The following SLC9A9 variants were observed in gnomAD, a reference collection of about 807,000 sequenced individuals.
SLC9A9 encodes the protein sodium/hydrogen exchanger 9.
Under a neutral mutation model 77.8 loss-of-function variants are expected in SLC9A9, and 62 were observed. That is an observed-to-expected ratio of 0.80 (90% CI 0.65 to 0.98). The LOEUF (loss-of-function observed/expected upper bound fraction) is 0.98, where lower values mean the gene tolerates loss of function less well. Ranked by LOEUF, SLC9A9 falls within the 50% of genes least tolerant of loss-of-function variation. The pLI is 0.00. For missense variants in SLC9A9, 775 were observed against 774.9 expected, an observed-to-expected ratio of 1.00 and a Z score of 0.00; for synonymous variants, 320 against 283.5, an observed-to-expected ratio of 1.13 and a Z score of -1.29.
At chr3:143,596,986 T>C (rs1281525690) in intron 6 of SLC9A9, among the ~76,000 whole-genome samples, 2 of 152,184 alleles carry the variant, frequency 1.3e-5, no homozygotes, top group Non-Finnish European at 2.9e-5. Context: ...CTTAAACATA[T>C]GTCACGGTAA....
At chr3:143,357,361 C>G (rs1484081757) in intron 14 of SLC9A9, among the ~76,000 whole-genome samples, 1 of 152,094 alleles carries the variant, frequency 6.6e-6, no homozygotes. Flanking sequence ...GAGGGTCAAC[C>G]ATGCCTACCC....
At position 143,762,222 on chromosome 3, in the gene SLC9A9, A is replaced by G. The variant is rs969994690; in HGVS notation, c.533+32779T>C. On this transcript the variant is annotated intron_variant, in intron 4 of 15. Transcript: ENST00000316549. ...TGGGGGAGGGGGAAGGGATAGCATT[A>G]GGAGATATACCTAATGTAAATGACG... 2.6e-5 allele frequency among the ~76,000 whole-genome samples: 4 copies of G among 152,182 alleles called. No homozygotes were observed. In the South Asian group the frequency reaches 6.2e-4, roughly 24 times the overall value.
intron 4 of SLC9A9, among the ~76,000 whole-genome samples, chr3:143,784,838 T>C (rs1368397675): frequency 1.3e-5 from 2 of 152,180 alleles, no homozygotes; most frequent in African/African-American, 4.8e-5. Flanking sequence ...GTAGGACCTT[T>C]GGGAAGTAAT....
chr3:143,271,013 A>C (rs1937881423), intron 14 of SLC9A9, among the ~76,000 whole-genome samples: 1 of 152,230 alleles, frequency 6.6e-6, no homozygotes, highest in Non-Finnish European at 1.5e-5. Context: ...CGCACTGTCC[A>C]TTCCATCCCA....
rs1191167965 is a variant in SLC9A9, at chr3:143,265,308, G to GTT, written c.*1392_*1393dup. On this transcript the variant is annotated 3_prime_UTR_variant, in exon 16 of 16. Transcript: ENST00000316549. ...TGTCATATTTACCTGAAATGACAAA[G>GTT]TTATACTTAGCTTGAGTGTAAAACT... 1 of 152,252 alleles carries GTT rather than the reference G, an allele frequency of 6.6e-6. No homozygotes were observed. The highest frequency in any genetic ancestry group is 1.5e-5 in the Non-Finnish European group (1 of 68,080). The allele number at this position is 152,252 out of a possible 1,614,324, so 9.4% of individuals were successfully genotyped here.
chr3:143,738,898 C>T (rs2108815245), intron 4 of SLC9A9, among the ~76,000 whole-genome samples: 1 of 152,240 alleles, frequency 6.6e-6, no homozygotes, highest in East Asian at 1.9e-4. Context: ...CTTTCATATC[C>T]CCTCTGGATA....
chr3:143,767,352 T>C (rs778693554), intron 4 of SLC9A9, among the ~76,000 whole-genome samples: 3 of 149,482 alleles, frequency 2.0e-5, no homozygotes, highest in Non-Finnish European at 3.0e-5. Context: ...GTGATTTGGT[T>C]TGTGAAACAG....
At chr3:143,545,520 T>A (rs1167802839) in intron 9 of SLC9A9, among the ~76,000 whole-genome samples, 1 of 152,346 alleles carries the variant, frequency 6.6e-6, no homozygotes, top group Admixed American at 6.5e-5. Context: ...ATGCAACTAC[T>A]GTAGTTCTTA....
At chr3:143,806,741 G>GT (rs2008726772) in intron 2 of SLC9A9, among the ~76,000 whole-genome samples, 2 of 150,696 alleles carry the variant, frequency 1.3e-5, no homozygotes, top group African/African-American at 5.0e-5. Context: ...TGGTGGTGGG[G>GT]GGGGCAAGTG....
rs186682598 is a variant in SLC9A9, at chr3:143,372,137, C to T, written c.1525-8574G>A. On this transcript the variant is annotated intron_variant, in intron 13 of 15. Transcript: ENST00000316549. ...AATCAGTATCACGAAAGTGATGATA[C>T]TGCCTAAAGCAGTCTATAGATCCAA... 5 of 210,526 alleles carry T rather than the reference C, an allele frequency of 2.4e-5. No individual in the cohort carries two copies. In the East Asian group the frequency reaches 4.3e-4, roughly 18 times the overall value. 13.0% of individuals were successfully genotyped at this position (210,526 alleles called of 1,614,324 possible).
intron 7 of SLC9A9, 146 bp downstream of exon 7, chr3:143,578,439 C>A (rs918571454): frequency 8.0e-6 from 10 of 1,249,552 alleles, no homozygotes; most frequent in Admixed American, 3.9e-5. Context: ...TGACTGAGAA[C>A]CAAGATGGCA....
intron 4 of SLC9A9, among the ~76,000 whole-genome samples, chr3:143,750,341 T>C (rs1168438350): frequency 6.6e-6 from 1 of 152,246 alleles, no homozygotes; most frequent in African/African-American, 2.4e-5. Context: ...AGCTTTAAGT[T>C]TCTTCAGAGC....
At chr3:143,728,770 T>C (rs987268693) in intron 4 of SLC9A9, among the ~76,000 whole-genome samples, 1 of 151,170 alleles carries the variant, frequency 6.6e-6, no homozygotes, top group African/African-American at 2.4e-5. Flanking sequence ...AAGGAAGAAA[T>C]CTCCTGGAGT....
chr3:143,384,274 C>CT (rs2033370304), intron 12 of SLC9A9, among the ~76,000 whole-genome samples: 1 of 152,144 alleles, frequency 6.6e-6, no homozygotes, highest in Non-Finnish European at 1.5e-5. Context: ...TCCCAGCCCC[C>CT]TTCTCTTATG....
At chr3:143,823,042 G>T (rs2009207319) in intron 2 of SLC9A9, among the ~76,000 whole-genome samples, 1 of 152,148 alleles carries the variant, frequency 6.6e-6, no homozygotes, top group African/African-American at 2.4e-5. Flanking sequence ...CAGCAATTAA[G>T]ACAGGACAGA....
intron 9 of SLC9A9, among the ~76,000 whole-genome samples, chr3:143,550,194 C>A (rs751735032): frequency 1.3e-4 from 20 of 152,048 alleles, no homozygotes; most frequent in Non-Finnish European, 2.6e-4. Flanking sequence ...TTCAGGAAAT[C>A]CTGTTTAGGA....
At chr3:143,440,856 CA>C (rs2034720672) in intron 12 of SLC9A9, among the ~76,000 whole-genome samples, 2 of 152,170 alleles carry the variant, frequency 1.3e-5, no homozygotes, top group African/African-American at 4.8e-5. Context: ...AACTTTGGGG[CA>C]TTGTTATTCT....
intron 12 of SLC9A9, among the ~76,000 whole-genome samples, chr3:143,433,508 T>G (rs546040404): frequency 2.2e-4 from 34 of 152,316 alleles, no homozygotes; most frequent in African/African-American, 8.2e-4. Flanking sequence ...CTTTTTATAA[T>G]AACGTCCAAT....
At chr3:143,624,186 A>G (rs1482449899) in intron 6 of SLC9A9, among the ~76,000 whole-genome samples, 3 of 152,242 alleles carry the variant, frequency 2.0e-5, no homozygotes, top group Non-Finnish European at 4.4e-5. Context: ...TACCAGAGGT[A>G]CAAGGAGGAG....
Sources: gnomAD v4.1 joint callset for allele counts (sites outside exome capture counted in the v4.1 genomes callset) on GRCh38, gnomAD v4.1.1 for gene constraint, MANE v1.5 for transcripts, NCBI Gene and HGNC (gene_info 2026-07-23, HGNC 2026-07-21) for gene names.